The following CEP89 variants were observed in gnomAD, a reference collection of about 807,000 sequenced individuals.
The protein encoded by CEP89 is centrosomal protein 89, also known as centrosomal protein of 89 kDa.
In CEP89, 95 loss-of-function variants were observed where a neutral mutation model predicts 97.6. The observed-to-expected ratio is 0.97, with a 90% CI of 0.82 to 1.15. CEP89 has a LOEUF of 1.15. CEP89 is among the 50% of genes most tolerant of loss of function. The pLI, the probability that CEP89 is intolerant of heterozygous loss-of-function variation, is 0.00. For synonymous variants in CEP89, 354 were observed against 349.1 expected (o/e 1.01, Z -0.16); for missense variants, 869 against 947.7 (o/e 0.92, Z 1.09).
chr19:32,896,741 T>C (rs530960023), intron 16 of CEP89, among the ~76,000 whole-genome samples: 1 of 151,890 alleles, frequency 6.6e-6, no homozygotes, highest in Admixed American at 6.6e-5. Context: ...ATACCCAGGA[T>C]ATACAAGGAA....
rs2145860512 is a variant in CEP89 at position 32,876,964 on chromosome 19, A to T, written c.*2198T>A. The T allele has an allele frequency of 6.6e-6, 1 of 152,372 alleles. No individual in the cohort carries two copies. Among genetic ancestry groups the T allele is most frequent in the South Asian group, 2.1e-4 (1 of 4,834 alleles). The allele number at this position is 152,372 out of a possible 1,614,324, so 9.4% of individuals were successfully genotyped here. ...GATGTCAACAGTGGTTCTCTAGGTC[A>T]CGATGGCGGGAGCAGCATTCCTGCT... On this transcript the variant is annotated 3_prime_UTR_variant, in exon 19 of 19. Coordinates refer to ENST00000305768, the MANE Select transcript of CEP89 (RefSeq NM_032816.5).
At chr19:32,971,354 C>T in intron 1 of CEP89, 1 of 425,208 alleles carries the variant, frequency 2.4e-6, no homozygotes, top group Non-Finnish European at 4.2e-6. Context: ...AGGCAGGGTG[C>T]TCCTGTCCAA....
intron 11 of CEP89, among the ~76,000 whole-genome samples, chr19:32,924,660 C>G (rs183305297): frequency 8.4e-4 from 128 of 152,324 alleles, no homozygotes; most frequent in African/African-American, 2.9e-3. Context: ...TCCACCCAGA[C>G]ACACTCACTC....
rs560690868 is a variant in CEP89 at position 32,920,181 on chromosome 19, G to T, written c.1269-1842C>A. 1.4e-4 allele frequency among the ~76,000 whole-genome samples: 21 copies of T among 152,172 alleles called. 3 individuals are homozygous for T. Among genetic ancestry groups the T allele is most frequent in the African/African-American group, 4.8e-4 (20 of 41,538 alleles). Reference sequence around the variant, plus strand: ...GCCTTCTGAATAGCTAGGACTACAGGTGCATGCCATCACGCCCAGCTAATT... The same window carrying T: ...GCCTTCTGAATAGCTAGGACTACAGTTGCATGCCATCACGCCCAGCTAATT... On this transcript the variant is annotated intron_variant, in intron 12 of 18. Transcript: ENST00000305768.
intron 3 of CEP89, among the ~76,000 whole-genome samples, chr19:32,957,550 C>T: frequency 6.6e-6 from 1 of 152,140 alleles, no homozygotes; most frequent in East Asian, 1.9e-4. Flanking sequence ...TGGTTCATGC[C>T]TGTCATCCCA....
intron 12 of CEP89, among the ~76,000 whole-genome samples, chr19:32,918,884 C>CTTTTTTTTTTTTT (rs11339528): frequency 1.7e-5 from 2 of 117,650 alleles, no homozygotes; most frequent in Non-Finnish European, 1.7e-5. Flanking sequence ...TTTTCTTTTT[C>CTTTTTTTTTTTTT]TTTTTTTTTT....
Position 32,966,389 on chromosome 19 carries a change from G to T in CEP89, c.117C>A (p.Arg39=). 1 of 1,558,568 alleles carries T rather than the reference G, an allele frequency of 6.4e-7. No homozygotes were observed. The highest frequency in any genetic ancestry group is 8.7e-7 in the Non-Finnish European group (1 of 1,149,000). Residue 39 remains arginine (R), a synonymous_variant, in exon 2 of 19, where the codon CGC becomes CGA. Coordinates refer to ENST00000305768, the MANE Select transcript of CEP89 (RefSeq NM_032816.5). ...KAAVPRTPPP[R]SPNPSPERPR... ...GTCTCTCTGGAGATGGGTTGGGGCT[G>T]CGGGGAGGAGGTGTGCGTGGCACAG... is the stretch of plus-strand genomic sequence containing the variant.
At chr19:32,943,681 G>GACATT (rs1323730023) in intron 5 of CEP89, among the ~76,000 whole-genome samples, 2 of 151,940 alleles carry the variant, frequency 1.3e-5, no homozygotes, top group Non-Finnish European at 2.9e-5. Context: ...ACATATAAGA[G>GACATT]ACATTAGGTA....
At chr19:32,915,755 C>T (rs1191498924) in intron 13 of CEP89, among the ~76,000 whole-genome samples, 1 of 151,544 alleles carries the variant, frequency 6.6e-6, no homozygotes, top group Non-Finnish European at 1.5e-5. Context: ...CCTGTCTCTA[C>T]TAAAAATACA....
intron 2 of CEP89, among the ~76,000 whole-genome samples, chr19:32,962,263 C>G (rs1208323832): frequency 2.6e-5 from 4 of 152,226 alleles, no homozygotes; most frequent in African/African-American, 4.8e-5. Flanking sequence ...TGAGCTCTCA[C>G]ATGCTCGCTC....
chr19:32,927,475 A>C (rs1599748272), intron 9 of CEP89, among the ~76,000 whole-genome samples: 1 of 152,268 alleles, frequency 6.6e-6, no homozygotes, highest in East Asian at 1.9e-4. Flanking sequence ...GTAGCCTATA[A>C]TACTATTTTT....
At position 32,931,559 on chromosome 19, in the gene CEP89, T is replaced by A; in HGVS notation, c.899A>T (p.Glu300Val). ...KASSQEVAAPELLYLRKQAQE... is the reference protein window; with the variant it reads ...KASSQEVAAPVLLYLRKQAQE... The stretch of plus-strand genomic sequence containing the variant: ...AGCTTGTTTTCGCAGATAAAGTAAT[T>A]CAGGTGCAGCAACTAGGGAAAAAAA... The change falls in exon 9 of 19, where the codon GAA becomes GTA. Residue 300 changes from glutamate to valine, a missense_variant. Coordinates refer to ENST00000305768, the MANE Select transcript of CEP89 (RefSeq NM_032816.5). 1 of 1,582,996 alleles carries A rather than the reference T, an allele frequency of 6.3e-7. No homozygotes were observed. The highest frequency in any genetic ancestry group is 8.5e-7 in the Non-Finnish European group (1 of 1,173,080).
rs1969289251 is a variant in CEP89, at chr19:32,881,869, G to A, written c.2110C>T (p.Leu704=). 6.2e-7 allele frequency: 1 copy of A among 1,604,896 alleles called. No individual in the cohort carries two copies. Among genetic ancestry groups the A allele is most frequent in the Non-Finnish European group, 8.5e-7 (1 of 1,179,120 alleles). ...CTGTTCTGCTGCAGCGCCTGGTCCAGCACCTCCTGCTTGTCCTTCAGCACC... is the reference window on the plus strand; with the variant it reads ...CTGTTCTGCTGCAGCGCCTGGTCCAACACCTCCTGCTTGTCCTTCAGCACC... ...HQVLKDKQEV[L]DQALQQNREM... is the part of the protein sequence containing the mutation. The change falls in exon 18 of 19, where the codon CTG becomes TTG. Residue 704 remains leucine (L), a synonymous_variant. Transcript: ENST00000305768.
intron 16 of CEP89, among the ~76,000 whole-genome samples, chr19:32,896,465 C>A (rs1969643745): frequency 6.6e-6 from 1 of 151,984 alleles, no homozygotes; most frequent in Non-Finnish European, 1.5e-5. Flanking sequence ...TGCAAAAAAT[C>A]CACTCACAAT....
At chr19:32,942,933 C>T (rs1184407143) in intron 5 of CEP89, among the ~76,000 whole-genome samples, 1 of 151,302 alleles carries the variant, frequency 6.6e-6, no homozygotes, top group African/African-American at 2.4e-5. Flanking sequence ...GCAGCCTCAA[C>T]CTGCCGAGCT....
At chr19:32,966,495 C>A (rs776097591) in intron 1 of CEP89, 29 bp from the exon 2 acceptor site, 4 of 1,392,444 alleles carry the variant, frequency 2.9e-6, no homozygotes, top group East Asian at 5.3e-5. Context: ...ACAGAAGTCA[C>A]TGGGTTGGGT....
chr19:32,902,491 A>T (rs147802890), intron 14 of CEP89, among the ~76,000 whole-genome samples: 338 of 152,344 alleles, frequency 2.2e-3, no homozygotes, highest in African/African-American at 7.9e-3. Context: ...TTCAGCCAAG[A>T]TAGAGTTACA....
At chr19:32,922,472 G>A (rs991611731) in intron 12 of CEP89, among the ~76,000 whole-genome samples, 2 of 152,088 alleles carry the variant, frequency 1.3e-5, no homozygotes, top group African/African-American at 4.8e-5. Flanking sequence ...TAGCCCAGGA[G>A]GTTGAGGCTG....
chr19:32,891,847 G>T (rs978191188), intron 16 of CEP89, among the ~76,000 whole-genome samples: 1 of 150,792 alleles, frequency 6.6e-6, no homozygotes, highest in Admixed American at 6.6e-5. Context: ...AACAGAGAGA[G>T]AGAGAGAAAA....
Sources: gnomAD v4.1 joint callset for allele counts (sites outside exome capture counted in the v4.1 genomes callset) on GRCh38, gnomAD v4.1.1 for gene constraint, MANE v1.5 for transcripts, NCBI Gene and HGNC (gene_info 2026-07-23, HGNC 2026-07-21) for gene names.